The following STAB2 variants were observed in gnomAD, a reference collection of about 807,000 sequenced individuals.
STAB2 encodes stabilin-2.
A neutral mutation model predicts 338.1 loss-of-function variants in STAB2; 288 were observed. The ratio of observed to expected loss-of-function variants is 0.85; its 90% confidence interval spans 0.77 to 0.94. The LOEUF is 0.94. Ranked by LOEUF, STAB2 falls within the 40% of genes least tolerant of loss-of-function variation. The pLI is 0.00. For synonymous variants in STAB2, 1,202 were observed against 1,193.3 expected, an observed-to-expected ratio of 1.01 and a Z score of -0.15; for missense variants, 3,141 against 3,210.1, an observed-to-expected ratio of 0.98 and a Z score of 0.52.
chr12:103,722,841 G>T (rs913137159), intron 44 of STAB2, among the ~76,000 whole-genome samples: 2 of 152,366 alleles, frequency 1.3e-5, no homozygotes, highest in Middle Eastern at 3.4e-3. Flanking sequence ...AGAGCAGGTT[G>T]TTGTTACAGG....
intron 17 of STAB2, among the ~76,000 whole-genome samples, chr12:103,661,860 T>C (rs1337191752): frequency 6.7e-6 from 1 of 148,582 alleles, no homozygotes; most frequent in African/African-American, 2.5e-5. Flanking sequence ...GGGAGAAGAG[T>C]AGGAAAGGAG....
Position 103,631,160 on chromosome 12 carries a change from T to C in STAB2, c.488-438T>C, listed in dbSNP as rs75123008. 7.5e-3 allele frequency among the ~76,000 whole-genome samples: 1,148 copies of C among 152,354 alleles called. 19 individuals carry two copies. The highest frequency in any genetic ancestry group is 0.026 in the African/African-American group (1,100 of 41,574). On this transcript the variant is annotated intron_variant, in intron 5 of 68. Transcript: ENST00000388887. Reference sequence around the variant, plus strand: ...ACCCTTTGGAATATTTTCCTTTTTTTATCCTTGCATCACCCCATCAATAGG... The same window carrying C: ...ACCCTTTGGAATATTTTCCTTTTTTCATCCTTGCATCACCCCATCAATAGG...
intron 63 of STAB2, chr12:103,757,960 C>T: frequency 1.6e-6 from 1 of 644,772 alleles, no homozygotes; most frequent in Non-Finnish European, 2.6e-6. Flanking sequence ...TGTGACGTGG[C>T]TGTGTCTTAA....
Position 103,670,742 on chromosome 12 carries a change from G to A in STAB2, c.2306G>A (p.Gly769Asp), listed in dbSNP as rs1283212432. 11 of 1,614,144 alleles carry A rather than the reference G, an allele frequency of 6.8e-6. No homozygotes were observed. Among genetic ancestry groups the A allele is most frequent in the Non-Finnish European group, 9.3e-6 (11 of 1,180,010 alleles). Residue 769 changes from glycine to aspartate, a missense_variant, in exon 22 of 69, where the codon GGC becomes GAC. By Grantham distance (94) the Gly-to-Asp change is moderately conservative. Transcript: ENST00000388887. ...GGNGTCICEE[G>D]FQGSQCQFCS... is the part of the protein sequence containing the mutation. ...AACGGGACATGCATTTGTGAGGAGG[G>A]CTTCCAAGGCTCCCAGTGTCAGTTC...
In STAB2 at chr12:103,675,944, G is replaced by A; in HGVS notation, c.2569G>A (p.Gly857Arg). 6.2e-7 allele frequency: 1 copy of A among 1,612,744 alleles called. No individual in the cohort carries two copies. Among genetic ancestry groups the A allele is most frequent in the Non-Finnish European group, 8.5e-7 (1 of 1,179,426 alleles). The change falls in exon 24 of 69, where the codon GGA becomes AGA. Residue 857 changes from glycine (G) to arginine (R), a missense_variant. Gly to Arg is a moderately radical substitution (Grantham distance 125, BLOSUM62 -2). Transcript: ENST00000388887. ...CCTTTGCAGTTGTATTTGCAAAGCAGGATATGAAGGAGATGGAACTCTGTG... is the reference window on the plus strand; with the variant it reads ...CCTTTGCAGTTGTATTTGCAAAGCAAGATATGAAGGAGATGGAACTCTGTG... ...NGTASCICKA[G>R]YEGDGTLCSE...
chr12:103,640,057 A>C, intron 8 of STAB2, 66 bp from the exon 9 acceptor site: 2 of 1,526,426 alleles, frequency 1.3e-6, no homozygotes, highest in Non-Finnish European at 1.8e-6. Flanking sequence ...ATACAAATTA[A>C]AGAAGAATGC....
At chr12:103,615,438 A>C (rs1296783637) in intron 3 of STAB2, among the ~76,000 whole-genome samples, 1 of 152,116 alleles carries the variant, frequency 6.6e-6, no homozygotes, top group African/African-American at 2.4e-5. Context: ...AGCCAAAATC[A>C]CCCACAGAGG....
At chr12:103,587,578 T>G in intron 1 of STAB2, 21 bp downstream of exon 1, 1 of 1,599,600 alleles carries the variant, frequency 6.3e-7, no homozygotes, top group African/African-American at 1.3e-5. Context: ...ACTTACATAT[T>G]TTTTTCATTT....
intron 3 of STAB2, among the ~76,000 whole-genome samples, chr12:103,606,116 G>A (rs1391275310): frequency 2.0e-5 from 3 of 151,622 alleles, no homozygotes; most frequent in African/African-American, 7.3e-5. Flanking sequence ...TGTCTCCTTT[G>A]TTGGCTTATT....
At chr12:103,693,455 C>T (rs1044943878) in intron 31 of STAB2, among the ~76,000 whole-genome samples, 1 of 151,938 alleles carries the variant, frequency 6.6e-6, no homozygotes, top group African/African-American at 2.4e-5. Flanking sequence ...AAAAAAAACA[C>T]ACTTGAGCTT....
At position 103,753,692 on chromosome 12, in the gene STAB2, A is replaced by G. The variant is rs563892487; in HGVS notation, c.6714+339A>G. On this transcript the variant is annotated intron_variant, in intron 61 of 68. Coordinates refer to ENST00000388887, the MANE Select transcript of STAB2 (RefSeq NM_017564.10). ...ACCCAGCCAAGAGGTGGCAGATCCA[A>G]TATTTAAGGGTAGACCTGACTCTTA... Among the ~76,000 whole-genome samples, 36 of 152,350 alleles carry G rather than the reference A, an allele frequency of 2.4e-4. No individual in the cohort carries two copies. In the South Asian group the frequency reaches 6.6e-3, roughly 28 times the overall value.
At chr12:103,729,868 C>T (rs758427803) in intron 48 of STAB2, among the ~76,000 whole-genome samples, 1 of 152,202 alleles carries the variant, frequency 6.6e-6, no homozygotes, top group Non-Finnish European at 1.5e-5. Flanking sequence ...GCTTATTTCA[C>T]ATTGGAGAAT....
At chr12:103,739,572 T>TGTGTGTGTGTGTGCGC (rs373686630) in intron 54 of STAB2, 104 bp downstream of exon 54, 14 of 735,820 alleles carry the variant, frequency 1.9e-5, no homozygotes, top group African/African-American at 4.0e-5. Context: ...TGTGTGTGTG[T>TGTGTGTGTGTGTGCGC]GCCCGTGCAC....
chr12:103,744,730 C>T (rs574705220), intron 56 of STAB2, among the ~76,000 whole-genome samples: 2 of 152,252 alleles, frequency 1.3e-5, no homozygotes, highest in East Asian at 3.9e-4. Context: ...ACCTCAGCCG[C>T]CCAAAGTGCC....
Position 103,766,665 on chromosome 12 carries a change from C to T in STAB2, c.*329C>T, listed in dbSNP as rs1472713270. On this transcript the variant is annotated 3_prime_UTR_variant, in exon 69 of 69. Coordinates refer to ENST00000388887, the MANE Select transcript of STAB2 (RefSeq NM_017564.10). ...TCCGTCTTTGTATCCCAGCCCCTAG[C>T]CCAGTGCCTGACACAGGAACTGTGC... is the stretch of plus-strand genomic sequence containing the variant. 1 of 291,812 alleles carries T rather than the reference C, an allele frequency of 3.4e-6. No individual in the cohort carries two copies. Among genetic ancestry groups the T allele is most frequent in the Non-Finnish European group, 6.5e-6 (1 of 152,852 alleles). 18.1% of individuals were successfully genotyped at this position (291,812 alleles called of 1,614,324 possible).
chr12:103,750,664 T>G lies in STAB2; in HGVS notation c.6524T>G (p.Leu2175Ter). ...EPEQLPIDRC[L>*]QDNGQCHADA... is the part of the protein sequence containing the mutation. ...GAGCAGCTGCCCATTGACCGCTGCT[T>G]ACAGGACAATGGGCAGTGCCATGCA... The change falls in exon 60 of 69, where the codon TTA becomes TGA. Residue 2175 changes from leucine (L) to a stop codon, truncating the protein, a stop_gained. Coordinates refer to ENST00000388887, the MANE Select transcript of STAB2 (RefSeq NM_017564.10). LOFTEE classifies it high-confidence loss of function. 3.1e-6 allele frequency: 5 copies of G among 1,614,238 alleles called. No individual in the cohort carries two copies. The highest frequency in any genetic ancestry group is 4.2e-6 in the Non-Finnish European group (5 of 1,180,038).
chr12:103,637,263 T>G (rs1049000866), intron 7 of STAB2, 27 bp downstream of exon 7: 10 of 1,604,762 alleles, frequency 6.2e-6, no homozygotes, highest in Non-Finnish European at 8.5e-6. Context: ...TTCTGCTAGT[T>G]TATTCATTGA....
At chr12:103,610,071 T>C (rs926195062) in intron 3 of STAB2, among the ~76,000 whole-genome samples, 1 of 152,136 alleles carries the variant, frequency 6.6e-6, no homozygotes, top group African/African-American at 2.4e-5. Context: ...TTTTGATGTG[T>C]TGCTGGATTC....
intron 50 of STAB2, 53 bp from the exon 51 acceptor site, chr12:103,732,953 C>G: frequency 6.3e-7 from 1 of 1,584,792 alleles, no homozygotes; most frequent in Non-Finnish European, 8.6e-7. Flanking sequence ...AACCCCTGCC[C>G]ACATGTCTGG....
Sources: gnomAD v4.1 joint callset for allele counts (sites outside exome capture counted in the v4.1 genomes callset) on GRCh38, gnomAD v4.1.1 for gene constraint, MANE v1.5 for transcripts, NCBI Gene and HGNC (gene_info 2026-07-23, HGNC 2026-07-21) for gene names.